PPIG: variants seen among roughly 807,000 people sequenced by gnomAD.
The protein encoded by PPIG is peptidyl-prolyl cis-trans isomerase G.
Under a neutral mutation model 87.9 loss-of-function variants are expected in PPIG, and 26 were observed. The ratio of observed to expected loss-of-function variants is 0.30; its 90% confidence interval spans 0.22 to 0.41. PPIG has a LOEUF of 0.41. PPIG is among the 10% of genes least tolerant of loss of function. The pLI is 1.00. For synonymous variants in PPIG, 308 were observed against 276.5 expected, an observed-to-expected ratio of 1.11 and a Z score of -1.13; for missense variants, 722 against 879.4, an observed-to-expected ratio of 0.82 and a Z score of 2.26.
chr2:169,586,155 GT>G (rs1335904502), intron 1 of PPIG, among the ~76,000 whole-genome samples: 6 of 152,056 alleles, frequency 3.9e-5, no homozygotes, highest in African/African-American at 1.4e-4. Context: ...ATTGTACATT[GT>G]TTGACTATTT....
intron 9 of PPIG, among the ~76,000 whole-genome samples, chr2:169,630,364 C>A (rs534311940): frequency 1.8e-4 from 27 of 152,094 alleles, no homozygotes; most frequent in Non-Finnish European, 3.5e-4. Context: ...CTTATCTCTC[C>A]ATGTTGCTGT....
intron 1 of PPIG, among the ~76,000 whole-genome samples, chr2:169,585,818 A>T (rs1422463885): frequency 1.3e-5 from 2 of 152,164 alleles, no homozygotes; most frequent in Non-Finnish European, 2.9e-5. Flanking sequence ...ATTAACTTTC[A>T]GTAGTTAAAA....
At chr2:169,622,159 G>A (rs971773447) in intron 9 of PPIG, among the ~76,000 whole-genome samples, 8 of 151,990 alleles carry the variant, frequency 5.3e-5, no homozygotes, top group African/African-American at 1.9e-4. Flanking sequence ...TCTGGCTTAC[G>A]CCTGTAATCC....
intron 6 of PPIG, among the ~76,000 whole-genome samples, chr2:169,608,261 C>T (rs1197988918): frequency 1.3e-5 from 2 of 151,728 alleles, no homozygotes; most frequent in Admixed American, 6.6e-5. Context: ...GAGGCCGAGG[C>T]GGGCGGATCA....
At chr2:169,590,728 T>G (rs1247923117) in intron 1 of PPIG, among the ~76,000 whole-genome samples, 1 of 152,126 alleles carries the variant, frequency 6.6e-6, no homozygotes, top group Admixed American at 6.5e-5. Flanking sequence ...ATCTGGCTAA[T>G]TTGCATCTTA....
chr2:169,611,927 G>T (rs918323660), intron 7 of PPIG, among the ~76,000 whole-genome samples: 1 of 152,014 alleles, frequency 6.6e-6, no homozygotes, highest in African/African-American at 2.4e-5. Context: ...TAGAAGATTT[G>T]CCATTTTAAC....
At chr2:169,587,286 T>C (rs1416433859) in intron 1 of PPIG, among the ~76,000 whole-genome samples, 2 of 148,546 alleles carry the variant, frequency 1.3e-5, no homozygotes, top group African/African-American at 5.0e-5. Flanking sequence ...GTCTTGCCCA[T>C]ACTGGAGTGC....
intron 1 of PPIG, among the ~76,000 whole-genome samples, chr2:169,590,134 A>T (rs537011305): frequency 7.9e-5 from 12 of 151,744 alleles, no homozygotes; most frequent in Admixed American, 7.2e-4. Flanking sequence ...ACAACCAAAA[A>T]AAAAAAAGAA....
At chr2:169,624,610 T>C (rs952448773) in intron 9 of PPIG, among the ~76,000 whole-genome samples, 5 of 152,058 alleles carry the variant, frequency 3.3e-5, no homozygotes, top group Admixed American at 6.5e-5. Flanking sequence ...GTTTTTGAGA[T>C]GGAGTCTCGC....
At chr2:169,604,306 T>TATGG in intron 4 of PPIG, 45 bp downstream of exon 4, 2 of 919,038 alleles carry the variant, frequency 2.2e-6, no homozygotes, top group Non-Finnish European at 1.6e-6. Flanking sequence ...CTCAGTTGAC[T>TATGG]ATGGCTTGCT....
At chr2:169,585,972 AATC>A (rs1310761297) in intron 1 of PPIG, among the ~76,000 whole-genome samples, 1 of 152,062 alleles carries the variant, frequency 6.6e-6, no homozygotes, top group Non-Finnish European at 1.5e-5. Flanking sequence ...TAAATTTTGA[AATC>A]GTGCTATAAA....
At chr2:169,623,484 A>C (rs1360595622) in intron 9 of PPIG, among the ~76,000 whole-genome samples, 1 of 152,224 alleles carries the variant, frequency 6.6e-6, no homozygotes, top group Non-Finnish European at 1.5e-5. Context: ...AGTACACAGA[A>C]ACACAAGAAC....
At position 169,635,988 on chromosome 2, in the gene PPIG, A is replaced by G. The variant is rs1014160253; in HGVS notation, c.1018-104A>G. The G allele has an allele frequency of 9.0e-6, 6 of 663,666 alleles. No homozygotes were observed. The Admixed American group carries it at 2.0e-4, about 22-fold the overall frequency. The allele number at this position is 663,666 out of a possible 1,614,324, so 41.1% of individuals were successfully genotyped here. On this transcript the variant is annotated intron_variant, in intron 12 of 13. Transcript: ENST00000260970. ...ATATTTTTTTTATTTTGTACCCCTT[A>G]CTACCTCCTGACCCTCACCCCAGTA...
At chr2:169,626,142 A>C (rs1315947851) in intron 9 of PPIG, among the ~76,000 whole-genome samples, 2 of 152,244 alleles carry the variant, frequency 1.3e-5, no homozygotes, top group African/African-American at 4.8e-5. Flanking sequence ...TGAGAAGGAT[A>C]CAGTTTCAAT....
At chr2:169,600,159 C>T (rs1461077426) in intron 1 of PPIG, among the ~76,000 whole-genome samples, 1 of 151,732 alleles carries the variant, frequency 6.6e-6, no homozygotes, top group Non-Finnish European at 1.5e-5. Flanking sequence ...ACTGCAACCT[C>T]CGCCTCCCTG....
chr2:169,631,958 T>A (rs1485466417), intron 11 of PPIG, 25 bp downstream of exon 11: 1 of 1,546,630 alleles, frequency 6.5e-7, no homozygotes, highest in Non-Finnish European at 8.8e-7. Context: ...ATATTTTGCC[T>A]TACATGGTTT....
chr2:169,637,047 G>A lies in PPIG; in HGVS notation c.1789G>A (p.Glu597Lys). The change falls in exon 14 of 14, where the codon GAA (glutamate) becomes AAA (lysine). Residue 597 changes from glutamate (E) to lysine (K), a missense_variant. Transcript: ENST00000260970. ...SKEYHRYREQ[E>K]YRRRGRSRSR... ...GGAGTACCATAGATACAGAGAACAG[G>A]AATACAGGAGAAGAGGACGGTCACG... 6.2e-7 allele frequency: 1 copy of A among 1,613,714 alleles called. No individual in the cohort carries two copies. The highest frequency in any genetic ancestry group is 1.1e-5 in the South Asian group (1 of 91,034).
chr2:169,585,975 C>A (rs929111060), intron 1 of PPIG, among the ~76,000 whole-genome samples: 1 of 152,016 alleles, frequency 6.6e-6, no homozygotes, highest in African/African-American at 2.4e-5. Context: ...ATTTTGAAAT[C>A]GTGCTATAAA....
intron 6 of PPIG, among the ~76,000 whole-genome samples, chr2:169,608,113 A>G (rs141410342): frequency 2.4e-3 from 368 of 152,336 alleles, no homozygotes; most frequent in African/African-American, 8.5e-3. Context: ...AAGGACAAAT[A>G]TAAATGGAAA....
Sources: allele counts gnomAD v4.1 joint callset (sites outside exome capture counted in the v4.1 genomes callset), GRCh38; gene constraint gnomAD v4.1.1; transcripts MANE v1.5; gene names NCBI Gene and HGNC (gene_info 2026-07-23, HGNC 2026-07-21).